Variants in AACS observed in about 807,000 individuals in gnomAD.
AACS encodes acetoacetyl-CoA synthetase, also known as acetoacetate-CoA ligase.
Under a neutral mutation model 83.1 loss-of-function variants are expected in AACS, and 69 were observed. The observed-to-expected ratio is 0.83, with a 90% CI of 0.68 to 1.01. The LOEUF (loss-of-function observed/expected upper bound fraction) is 1.01. Ranked by LOEUF, AACS falls within the 50% of genes least tolerant of loss-of-function variation. The pLI is 0.00. For missense variants in AACS, 866 were observed against 882.2 expected (o/e 0.98, Z 0.23); for synonymous variants, 333 against 343.4 (o/e 0.97, Z 0.33).
chr12:125,099,893 C>T (rs1483204603), intron 5 of AACS, among the ~76,000 whole-genome samples: 2 of 152,196 alleles, frequency 1.3e-5, no homozygotes, highest in Non-Finnish European at 2.9e-5. Flanking sequence ...TTAGGCTGGT[C>T]TCAAACTCCT....
chr12:125,072,555 T>C (rs2136034159), intron 1 of AACS, among the ~76,000 whole-genome samples: 1 of 152,312 alleles, frequency 6.6e-6, no homozygotes, highest in East Asian at 1.9e-4. Context: ...TCTGCCTTCC[T>C]GGAGCCCTAG....
intron 3 of AACS, among the ~76,000 whole-genome samples, chr12:125,084,365 C>T (rs1340097639): frequency 1.3e-5 from 2 of 151,242 alleles, no homozygotes; most frequent in African/African-American, 4.9e-5. Context: ...ATTTCTCCCT[C>T]CCTCCCTCAC....
Position 125,129,388 on chromosome 12 carries a change from T to A in AACS, c.1477T>A (p.Cys493Ser). The A allele has an allele frequency of 6.2e-7, 1 of 1,614,088 alleles. No homozygotes were observed. Reference sequence around the variant, plus strand: ...GCTGGTGTGTACTAAGCCGATCCCTTGCCAGCCCACACACTTCTGGAACGA... The same window carrying A: ...GCTGGTGTGTACTAAGCCGATCCCTAGCCAGCCCACACACTTCTGGAACGA... ...GELVCTKPIP[C>S]QPTHFWNDEN... is the part of the protein sequence containing the mutation. Residue 493 changes from cysteine (C) to serine (S), a missense_variant, in exon 14 of 18, where the codon TGC (cysteine) becomes AGC (serine). By Grantham distance (112) the Cys-to-Ser change is moderately radical (BLOSUM62 -1). Coordinates refer to ENST00000316519, the MANE Select transcript of AACS (RefSeq NM_023928.5). The surrounding 1 kb of genome is among the most constrained non-coding windows in gnomAD (Gnocchi z 4.3).
chr12:125,111,128 C>T (rs1024943506), intron 8 of AACS, among the ~76,000 whole-genome samples: 5 of 152,236 alleles, frequency 3.3e-5, no homozygotes, highest in Admixed American at 6.5e-5. Context: ...TTGCAGGCAG[C>T]GAGCTGTCCT....
At chr12:125,090,921 A>C in intron 4 of AACS, 1 of 178,650 alleles carries the variant, frequency 5.6e-6, no homozygotes, top group African/African-American at 2.3e-5. Context: ...AAGGAGAAAT[A>C]CAGTGTGCTT....
chr12:125,129,361 G>A lies in AACS; in HGVS notation c.1450G>A (p.Glu484Lys), dbSNP rs376023356. 8.3e-5 allele frequency: 134 copies of A among 1,613,528 alleles called. No homozygotes were observed. Among genetic ancestry groups the A allele is most frequent in the Non-Finnish European group, 1.0e-4 (121 of 1,179,904 alleles). Residue 484 changes from glutamate (E) to lysine (K), a missense_variant, in exon 14 of 18, where the codon GAG becomes AAG. Transcript: ENST00000316519. The surrounding 1 kb of genome is among the most constrained non-coding windows in gnomAD (Gnocchi z 4.3). Reference protein sequence around the residue: ...EGKAVWGESGELVCTKPIPCQ... With the variant: ...EGKAVWGESGKLVCTKPIPCQ... ...AAAGGCGGTCTGGGGAGAGAGCGGC[G>A]AGCTGGTGTGTACTAAGCCGATCCC...
Position 125,129,606 on chromosome 12 carries a change from G to T in AACS, c.1549+146G>T. ...GCTTATAGTTCATTCCGCCAGTGGG[G>T]GGATAATGAATTTTTGATCAATATC... On this transcript the variant is annotated intron_variant, in intron 14 of 17. Coordinates refer to ENST00000316519, the MANE Select transcript of AACS (RefSeq NM_023928.5). The surrounding 1 kb of genome is among the most constrained non-coding windows in gnomAD (Gnocchi z 4.3). The T allele has an allele frequency of 9.3e-7, 1 of 1,070,968 alleles. No homozygotes were observed. The highest frequency in any genetic ancestry group is 1.3e-6 in the Non-Finnish European group (1 of 754,948). The allele number at this position is 1,070,968 out of a possible 1,614,324, so 66.3% of individuals were successfully genotyped here.
In AACS at chr12:125,134,856, C is replaced by G. The variant is rs376793480; in HGVS notation, c.1678+4C>G. On this transcript the variant is annotated splice_donor_region_variant and intron_variant, in intron 16 of 17. Transcript: ENST00000316519. Reference sequence around the variant, plus strand: ...AGCTCGGAAATCTATAACATTGGTACGTGCTTCCCCTCCCTGAGCGTTCTC... The same window carrying G: ...AGCTCGGAAATCTATAACATTGGTAGGTGCTTCCCCTCCCTGAGCGTTCTC... 6.2e-7 allele frequency: 1 copy of G among 1,614,018 alleles called. No homozygotes were observed. The highest frequency in any genetic ancestry group is 8.5e-7 in the Non-Finnish European group (1 of 1,180,030).
At chr12:125,104,951 C>T (rs534108184) in intron 7 of AACS, among the ~76,000 whole-genome samples, 19 of 122,882 alleles carry the variant, frequency 1.5e-4, no homozygotes, top group Admixed American at 1.5e-3. Flanking sequence ...GTGATCATGG[C>T]GGAAGGGAAG....
At chr12:125,118,200 G>A (rs1957091116) in intron 9 of AACS, 1 of 174,644 alleles carries the variant, frequency 5.7e-6, no homozygotes, top group Non-Finnish European at 1.2e-5. Context: ...GATGAACAAT[G>A]TCTTGGGGTG....
Position 125,136,715 on chromosome 12 carries a change from T to C in AACS, c.1732T>C (p.Tyr578His). ...CCTGTGTGTCCCCCAGTATAACAAG[T>C]ACAGGGAGGAGAGGGTGATCCTCTT... is the stretch of plus-strand genomic sequence containing the variant. ...DSLCVPQYNK[Y>H]REERVILFLK... The change falls in exon 17 of 18, where the codon TAC becomes CAC. Residue 578 changes from tyrosine (Y) to histidine (H), a missense_variant. By Grantham distance (83) the Tyr-to-His change is moderately conservative. Transcript: ENST00000316519. The C allele has an allele frequency of 6.2e-7, 1 of 1,614,064 alleles. No individual in the cohort carries two copies. The highest frequency in any genetic ancestry group is 2.2e-5 in the East Asian group (1 of 44,872).
intron 5 of AACS, among the ~76,000 whole-genome samples, chr12:125,092,155 C>T (rs906238066): frequency 3.3e-5 from 5 of 152,216 alleles, no homozygotes; most frequent in Non-Finnish European, 7.3e-5. Context: ...TTCCTGGGGC[C>T]CCCACTCCCC....
At chr12:125,084,074 T>C (rs766501662) in intron 3 of AACS, among the ~76,000 whole-genome samples, 2 of 152,074 alleles carry the variant, frequency 1.3e-5, no homozygotes, top group Non-Finnish European at 2.9e-5. Flanking sequence ...GCGCCTGTAA[T>C]CTCAGCACAT....
chr12:125,136,903 C>T lies in AACS; in HGVS notation c.1881+39C>T, dbSNP rs371022089. ...CCGCCAGCGAGGAGACCGCAGCCAT[C>T]GCCCCACGAGCCCACACATTGAGGG... On this transcript the variant is annotated intron_variant, in intron 17 of 17. Coordinates refer to ENST00000316519, the MANE Select transcript of AACS (RefSeq NM_023928.5). 9.1e-5 allele frequency: 145 copies of T among 1,600,172 alleles called. No homozygotes were observed. The African/African-American group carries it at 1.2e-3, about 13-fold the overall frequency.
intron 9 of AACS, 123 bp from the exon 10 acceptor site, chr12:125,118,518 G>A (rs972974764): frequency 1.0e-5 from 14 of 1,357,800 alleles, no homozygotes; most frequent in East Asian, 2.4e-5. Context: ...TTTGAAATGG[G>A]AAGTTAGCAC....
rs1407294043 is a variant in AACS at position 125,065,475 on chromosome 12, G to C, written c.-110G>C. 2 of 1,211,956 alleles carry C rather than the reference G, an allele frequency of 1.7e-6. No homozygotes were observed. Among genetic ancestry groups the C allele is most frequent in the Admixed American group, 4.2e-5 (1 of 23,530 alleles). 75.1% of individuals were successfully genotyped at this position (1,211,956 alleles called of 1,614,324 possible). On this transcript the variant is annotated 5_prime_UTR_variant, in exon 1 of 18. Coordinates refer to ENST00000316519, the MANE Select transcript of AACS (RefSeq NM_023928.5). The stretch of plus-strand genomic sequence containing the variant: ...GCCGCCGCCGTCGCTGACCCAGCCC[G>C]CCAGGCGCTCCTGACCGTCGCTTCC...
In AACS at chr12:125,136,687, C is replaced by T; in HGVS notation, c.1704C>T (p.Asp568=). Residue 568 remains aspartate (D), a synonymous_variant, in exon 17 of 18, where the codon GAC becomes GAT. Transcript: ENST00000316519. ...NIVESFEEVE[D]SLCVPQYNKY... is the part of the protein sequence containing the mutation. Reference sequence around the variant, plus strand: ...TGGAATCCTTCGAGGAGGTGGAGGACAGCCTGTGTGTCCCCCAGTATAACA... The same window carrying T: ...TGGAATCCTTCGAGGAGGTGGAGGATAGCCTGTGTGTCCCCCAGTATAACA... The T allele has an allele frequency of 6.2e-7, 1 of 1,613,998 alleles. No homozygotes were observed. Among genetic ancestry groups the T allele is most frequent in the Non-Finnish European group, 8.5e-7 (1 of 1,180,010 alleles).
In AACS at chr12:125,134,989, ACCT is replaced by A; in HGVS notation, c.1678+141_1678+143del. On this transcript the variant is annotated intron_variant, in intron 16 of 17. Coordinates refer to ENST00000316519, the MANE Select transcript of AACS (RefSeq NM_023928.5). ...GTGACAGTGGACATTTGTGAGCCTG[ACCT>A]CCTTTCCAGAACATACCTTGCCCAC... 4 of 1,005,384 alleles carry A rather than the reference ACCT, an allele frequency of 4.0e-6. No homozygotes were observed. In the East Asian group the frequency reaches 7.9e-5, roughly 20 times the overall value. 62.3% of individuals were successfully genotyped at this position (1,005,384 alleles called of 1,614,324 possible). A position where few individuals can be genotyped will look rare whatever the true frequency, so the allele number is the denominator to read the frequency against.
At chr12:125,136,413 A>G (rs1250633733) in intron 16 of AACS, among the ~76,000 whole-genome samples, 1 of 152,020 alleles carries the variant, frequency 6.6e-6, no homozygotes, top group African/African-American at 2.4e-5. Context: ...CTGGTAGAAC[A>G]TCACCCATCC....
Sources: allele counts gnomAD v4.1 joint callset (sites outside exome capture counted in the v4.1 genomes callset), GRCh38; gene constraint gnomAD v4.1.1; non-coding constraint Gnocchi (gnomAD v3.1); transcripts MANE v1.5; gene names NCBI Gene and HGNC (gene_info 2026-07-23, HGNC 2026-07-21).